Variants in LINGO2 observed in about 807,000 individuals in gnomAD.
The protein encoded by LINGO2 is leucine-rich repeat and immunoglobulin-like domain-containing nogo receptor-interacting protein 2.
LINGO2 carries 14 observed loss-of-function variants against 30.6 expected under a neutral mutation model. The observed-to-expected ratio is 0.46, with a 90% CI of 0.30 to 0.72. The LOEUF (loss-of-function observed/expected upper bound fraction) is 0.72, where lower values mean the gene tolerates loss of function less well. Ranked by LOEUF, LINGO2 falls within the 30% of genes least tolerant of loss-of-function variation. The pLI is 0.07. For missense variants in LINGO2, 729 were observed against 751.7 expected, an observed-to-expected ratio of 0.97 and a Z score of 0.35; for synonymous variants, 317 against 288.5, an observed-to-expected ratio of 1.10 and a Z score of -1.00.
At chr9:28,134,846 C>T (rs906211118) in intron 4 of LINGO2, among the ~76,000 whole-genome samples, 2 of 152,132 alleles carry the variant, frequency 1.3e-5, no homozygotes, top group Admixed American at 6.5e-5. Context: ...AAATAGGGAA[C>T]GTGGCATGCA....
chr9:28,737,221 G>T, the LINGO2 span, among the ~76,000 whole-genome samples: 1 of 152,128 alleles, frequency 6.6e-6, no homozygotes, highest in Non-Finnish European at 1.5e-5. Context: ...CAGGAAAAAG[G>T]AGGCCTGGGC....
At chr9:28,443,859 C>T (rs1241945223) in intron 2 of LINGO2, among the ~76,000 whole-genome samples, 1 of 152,152 alleles carries the variant, frequency 6.6e-6, no homozygotes, top group Non-Finnish European at 1.5e-5. Flanking sequence ...TGGAACCTCA[C>T]CTTCAAGCCA....
chr9:28,532,889 C>G (rs927779458), intron 1 of LINGO2, among the ~76,000 whole-genome samples: 1 of 152,046 alleles, frequency 6.6e-6, no homozygotes, highest in Non-Finnish European at 1.5e-5. Flanking sequence ...TAGACCGAAT[C>G]CAGCTTGCCT....
chr9:28,346,795 CTT>C (rs35373191), intron 3 of LINGO2, among the ~76,000 whole-genome samples: 15 of 149,772 alleles, frequency 1.0e-4, no homozygotes, highest in Non-Finnish European at 4.4e-5. Context: ...GATATTGAGT[CTT>C]TTTTTTTTCA....
chr9:28,446,444 T>A (rs548958765), intron 2 of LINGO2, among the ~76,000 whole-genome samples: 2 of 152,348 alleles, frequency 1.3e-5, no homozygotes, highest in East Asian at 3.9e-4. Flanking sequence ...TCCCTAACAT[T>A]TATTAGCTAT....
the LINGO2 span, among the ~76,000 whole-genome samples, chr9:28,763,744 A>T: frequency 6.6e-6 from 1 of 151,738 alleles, no homozygotes; most frequent in African/African-American, 2.4e-5. Flanking sequence ...ACTGAGAGTG[A>T]AAAACTGAAC....
the LINGO2 span, among the ~76,000 whole-genome samples, chr9:28,766,227 G>A: frequency 6.6e-6 from 1 of 151,802 alleles, no homozygotes; most frequent in Non-Finnish European, 1.5e-5. Context: ...ATATTTGTAA[G>A]GAACTCACAT....
chr9:28,434,529 C>CA (rs3064822), intron 2 of LINGO2, among the ~76,000 whole-genome samples: 10,672 of 130,926 alleles, frequency 0.082, 443 homozygotes, highest in Non-Finnish European at 0.089. Context: ...TCTTGAGCAT[C>CA]AAAAAAAAAA....
intron 4 of LINGO2, among the ~76,000 whole-genome samples, chr9:28,169,800 G>T (rs1828531654): frequency 6.6e-6 from 1 of 152,182 alleles, no homozygotes; most frequent in East Asian, 1.9e-4. Flanking sequence ...TTTCCCAGAT[G>T]AGAGAAAGAG....
At chr9:28,182,821 G>A (rs1285628846) in intron 4 of LINGO2, among the ~76,000 whole-genome samples, 1 of 152,150 alleles carries the variant, frequency 6.6e-6, no homozygotes, top group East Asian at 1.9e-4. Flanking sequence ...ATGCTGGCGA[G>A]GCTGTGAAGA....
At chr9:29,032,044 C>A in the LINGO2 span, among the ~76,000 whole-genome samples, 1 of 152,044 alleles carries the variant, frequency 6.6e-6, no homozygotes, top group East Asian at 1.9e-4. Context: ...AGTGGCAATC[C>A]CATGTTTAGT....
chr9:27,952,302 T>TA (rs1819353380), intron 5 of LINGO2, among the ~76,000 whole-genome samples: 1 of 151,954 alleles, frequency 6.6e-6, no homozygotes, highest in Admixed American at 6.6e-5. Flanking sequence ...ATAGAACTAA[T>TA]ATGACAACTA....
intron 3 of LINGO2, among the ~76,000 whole-genome samples, chr9:28,346,475 T>C (rs1819574413): frequency 6.6e-6 from 1 of 152,182 alleles, no homozygotes; most frequent in Admixed American, 6.5e-5. Flanking sequence ...TCTTTGCTAT[T>C]GTGAATAGTG....
At chr9:28,616,645 C>T (rs1826142884) in intron 1 of LINGO2, among the ~76,000 whole-genome samples, 1 of 152,140 alleles carries the variant, frequency 6.6e-6, no homozygotes. Flanking sequence ...TGATTATTGC[C>T]CTTTAATGAA....
At chr9:28,200,452 T>C (rs1435463710) in intron 4 of LINGO2, among the ~76,000 whole-genome samples, 1 of 152,142 alleles carries the variant, frequency 6.6e-6, no homozygotes, top group Non-Finnish European at 1.5e-5. Flanking sequence ...CTGGGTCATG[T>C]AGGTTAGGTT....
At chr9:28,701,611 G>GTTAGCTATTC in the LINGO2 span, among the ~76,000 whole-genome samples, 1 of 151,766 alleles carries the variant, frequency 6.6e-6, no homozygotes, top group South Asian at 2.1e-4. Flanking sequence ...TCAATATTGT[G>GTTAGCTATTC]TTAGCTATTC....
the LINGO2 span, among the ~76,000 whole-genome samples, chr9:28,772,708 G>A: frequency 7.2e-5 from 11 of 152,148 alleles, no homozygotes. Context: ...TTGTAAGCAA[G>A]ACAGCAGCAC....
At chr9:28,980,376 T>C in the LINGO2 span, among the ~76,000 whole-genome samples, 1 of 152,028 alleles carries the variant, frequency 6.6e-6, no homozygotes, top group Admixed American at 6.6e-5. Context: ...AGGACATCAG[T>C]CTTTTGCTCA....
At chr9:29,014,605 T>C in the LINGO2 span, among the ~76,000 whole-genome samples, 1 of 152,148 alleles carries the variant, frequency 6.6e-6, no homozygotes, top group African/African-American at 2.4e-5. Flanking sequence ...CAAAACCCAG[T>C]TAATATGGCC....
Sources: allele counts gnomAD v4.1 joint callset (sites outside exome capture counted in the v4.1 genomes callset), GRCh38; gene constraint gnomAD v4.1.1; transcripts MANE v1.5; gene names NCBI Gene and HGNC (gene_info 2026-07-23, HGNC 2026-07-21).